WWOX: variants seen among roughly 807,000 people sequenced by gnomAD.
WWOX encodes the protein WW domain-containing oxidoreductase.
A neutral mutation model predicts 46.2 loss-of-function variants in WWOX; 69 were observed. The ratio of observed to expected loss-of-function variants is 1.49; its 90% CI spans 1.23 to 1.82. The LOEUF (loss-of-function observed/expected upper bound fraction) is 1.82, where lower values mean the gene tolerates loss of function less well. Among genes scored for constraint, WWOX ranks in the 40% most tolerant of loss-of-function variants. The probability of loss-of-function intolerance (pLI) is 0.00; values close to 1 mark genes in which losing one functional copy is unlikely to be tolerated. For missense variants in WWOX, 919 were observed against 542.6 expected, an observed-to-expected ratio of 1.69 and a Z score of -6.89; for synonymous variants, 359 against 202.6, an observed-to-expected ratio of 1.77 and a Z score of -6.56.
chr16:78,587,193 CTTTTTT>C (rs528293412), intron 8 of WWOX, among the ~76,000 whole-genome samples: 2,706 of 112,880 alleles, frequency 0.024, 74 homozygotes, highest in African/African-American at 0.073. Context: ...GCCTGGCTAA[CTTTTTT>C]TTTTTTTTTT....
chr16:78,587,816 T>G (rs2151597740), intron 8 of WWOX, among the ~76,000 whole-genome samples: 1 of 152,284 alleles, frequency 6.6e-6, no homozygotes, highest in South Asian at 2.1e-4. Context: ...TTCCTGGTAA[T>G]TGTGCAAAAT....
Position 78,986,631 on chromosome 16 carries a change from G to A in WWOX, c.1057-224977G>A, listed in dbSNP as rs570657299. 5.9e-5 allele frequency among the ~76,000 whole-genome samples: 9 copies of A among 152,272 alleles called. No homozygotes were observed. The East Asian group carries it at 7.7e-4, about 13-fold the overall frequency. On this transcript the variant is annotated intron_variant, in intron 8 of 8. Coordinates refer to ENST00000566780, the MANE Select transcript of WWOX (RefSeq NM_016373.4). ...ACTGGCGGACATCACTCATTCATCAGTACTCTGTTTTTCTCCCAAGAATGG... is the reference window on the plus strand; with the variant it reads ...ACTGGCGGACATCACTCATTCATCAATACTCTGTTTTTCTCCCAAGAATGG...
intron 8 of WWOX, among the ~76,000 whole-genome samples, chr16:78,570,512 G>A (rs1470137580): frequency 2.6e-5 from 4 of 151,796 alleles, no homozygotes; most frequent in Non-Finnish European, 5.9e-5. Context: ...ATGCAGTATC[G>A]CTTGTTGCTC....
At chr16:78,242,487 T>C (rs62625010) in intron 5 of WWOX, among the ~76,000 whole-genome samples, 1,917 of 152,326 alleles carry the variant, frequency 0.013, 24 homozygotes, top group Middle Eastern at 0.031. Flanking sequence ...TTTCCTAGTT[T>C]ATAATGAGGA....
intron 8 of WWOX, among the ~76,000 whole-genome samples, chr16:78,978,125 G>C (rs80142098): frequency 6.6e-6 from 1 of 152,128 alleles, no homozygotes; most frequent in African/African-American, 2.4e-5. Flanking sequence ...TCATACAATA[G>C]CATCATGTGT....
At chr16:78,212,608 T>C (rs1183005495) in intron 5 of WWOX, among the ~76,000 whole-genome samples, 1 of 152,198 alleles carries the variant, frequency 6.6e-6, no homozygotes, top group Non-Finnish European at 1.5e-5. Context: ...AAACATTTTC[T>C]TGTTCTACAA....
chr16:78,210,590 T>A (rs77008488), intron 5 of WWOX, among the ~76,000 whole-genome samples: 3,011 of 152,318 alleles, frequency 0.02, 109 homozygotes, highest in African/African-American at 0.068. Context: ...ACCAGAGGGC[T>A]AATGACACAC....
chr16:78,348,028 A>T (rs2081122198), intron 5 of WWOX, among the ~76,000 whole-genome samples: 1 of 122,700 alleles, frequency 8.1e-6, no homozygotes, highest in Non-Finnish European at 2.0e-5. Flanking sequence ...TCTCTTTAAA[A>T]ATATACCTTT....
intron 8 of WWOX, among the ~76,000 whole-genome samples, chr16:78,841,305 G>T (rs950149725): frequency 1.3e-5 from 2 of 152,160 alleles, no homozygotes; most frequent in Non-Finnish European, 1.5e-5. Context: ...ACCATAATGT[G>T]ATCTGTCTAC....
intron 8 of WWOX, among the ~76,000 whole-genome samples, chr16:78,688,443 C>G (rs1224204140): frequency 6.6e-6 from 1 of 151,468 alleles, no homozygotes; most frequent in African/African-American, 2.4e-5. Context: ...TCACTTCTTT[C>G]TATTTTTCCT....
At chr16:78,596,644 G>T (rs80194648) in intron 8 of WWOX, among the ~76,000 whole-genome samples, 3,499 of 152,278 alleles carry the variant, frequency 0.023, 99 homozygotes, top group East Asian at 0.14. Context: ...AGGTCCATTT[G>T]TGGGGAGAAC....
chr16:78,283,188 A>G (rs1250698088), intron 5 of WWOX, among the ~76,000 whole-genome samples: 5 of 151,808 alleles, frequency 3.3e-5, no homozygotes, highest in Non-Finnish European at 2.9e-5. Context: ...AGGAGGCAAC[A>G]TGACAACGTG....
At chr16:79,157,023 A>G (rs765217750) in intron 8 of WWOX, among the ~76,000 whole-genome samples, 3 of 152,238 alleles carry the variant, frequency 2.0e-5, no homozygotes, top group Non-Finnish European at 4.4e-5. Flanking sequence ...CACAGGGCAC[A>G]TGGTAAAATG....
chr16:78,419,128 A>C (rs952819370), intron 6 of WWOX, among the ~76,000 whole-genome samples: 1 of 152,214 alleles, frequency 6.6e-6, no homozygotes, highest in Non-Finnish European at 1.5e-5. Context: ...AATATGCGTA[A>C]GTCAATTGTA....
intron 8 of WWOX, among the ~76,000 whole-genome samples, chr16:78,533,249 T>A (rs1007884550): frequency 6.6e-6 from 1 of 152,042 alleles, no homozygotes; most frequent in African/African-American, 2.4e-5. Flanking sequence ...GAAGGAAAAT[T>A]AGAAAACTTT....
At chr16:78,561,853 G>A (rs2044445940) in intron 8 of WWOX, among the ~76,000 whole-genome samples, 1 of 152,106 alleles carries the variant, frequency 6.6e-6, no homozygotes, top group South Asian at 2.1e-4. Context: ...CAGTGGAAGT[G>A]AATTGAAAAT....
intron 8 of WWOX, among the ~76,000 whole-genome samples, chr16:78,685,056 C>A (rs1316746860): frequency 6.6e-6 from 1 of 152,120 alleles, no homozygotes; most frequent in African/African-American, 2.4e-5. Flanking sequence ...CTGTGCTGTT[C>A]ACTGTAACAT....
intron 5 of WWOX, among the ~76,000 whole-genome samples, chr16:78,326,582 C>CCCCA: frequency 1.1e-5 from 1 of 94,944 alleles, no homozygotes; most frequent in African/African-American, 4.7e-5. Context: ...CCCCCGCCCC[C>CCCCA]CCCCCCCGCA....
chr16:78,860,030 T>C (rs184049771), intron 8 of WWOX, among the ~76,000 whole-genome samples: 18 of 152,182 alleles, frequency 1.2e-4, no homozygotes, highest in Non-Finnish European at 1.6e-4. Context: ...GAGTAAACTT[T>C]TTAGTTCTCA....
Sources: gnomAD v4.1 joint callset for allele counts (sites outside exome capture counted in the v4.1 genomes callset) on GRCh38, gnomAD v4.1.1 for gene constraint, MANE v1.5 for transcripts, NCBI Gene and HGNC (gene_info 2026-07-23, HGNC 2026-07-21) for gene names.